The following RABGEF1 variants were observed in gnomAD, a reference collection of about 807,000 sequenced individuals.
RABGEF1 encodes RAB guanine nucleotide exchange factor 1, also known as rab5 GDP/GTP exchange factor.
In RABGEF1, 26 loss-of-function variants were observed where a neutral mutation model predicts 57.3. The ratio of observed to expected loss-of-function variants is 0.45; its 90% CI spans 0.33 to 0.63. The LOEUF (loss-of-function observed/expected upper bound fraction) is 0.63. Ranked by LOEUF, RABGEF1 falls within the 20% of genes least tolerant of loss-of-function variation. The probability of loss-of-function intolerance (pLI) is 0.02; values close to 1 mark genes in which losing one functional copy is unlikely to be tolerated. For synonymous variants in RABGEF1, 185 were observed against 210.7 expected, an observed-to-expected ratio of 0.88 and a Z score of 1.06; for missense variants, 464 against 607.6, an observed-to-expected ratio of 0.76 and a Z score of 2.48.
the RABGEF1 span, among the ~76,000 whole-genome samples, chr7:66,663,322 C>T: frequency 3.3e-5 from 5 of 152,210 alleles, no homozygotes; most frequent in Admixed American, 2.0e-4. Flanking sequence ...TCCCACTTCA[C>T]GCCTCTATAT....
At chr7:66,680,927 GA>G (rs1789670522), upstream of RABGEF1, among the ~76,000 whole-genome samples, 1 of 151,932 alleles carries the variant, frequency 6.6e-6, no homozygotes, top group Non-Finnish European at 1.5e-5. Flanking sequence ...CTAAAAATAC[GA>G]AAAAATTAGC....
chr7:66,742,913 T>C (rs1429623479), intron 1 of RABGEF1, among the ~76,000 whole-genome samples: 2 of 152,172 alleles, frequency 1.3e-5, no homozygotes, highest in Non-Finnish European at 2.9e-5. Context: ...GGAGGGTCGT[T>C]ACTAAAGTGA....
At chr7:66,705,103 T>C (rs1456853047) in intron 1 of RABGEF1, among the ~76,000 whole-genome samples, 3 of 151,598 alleles carry the variant, frequency 2.0e-5, no homozygotes, top group Admixed American at 2.0e-4. Context: ...TGCTGATATA[T>C]GGAAAAGCAA....
chr7:66,789,303 G>A (rs12536410), intron 4 of RABGEF1, among the ~76,000 whole-genome samples: 40,081 of 152,060 alleles, frequency 0.26, 5,831 homozygotes, highest in East Asian at 0.43. Context: ...TTTTAAAACT[G>A]GAAGCACTGA....
At chr7:66,787,478 A>AGATT (rs1314434603) in intron 4 of RABGEF1, among the ~76,000 whole-genome samples, 1 of 151,110 alleles carries the variant, frequency 6.6e-6, no homozygotes, top group Non-Finnish European at 1.5e-5. Context: ...CGCATAGCTG[A>AGATT]GATTACAGGT....
chr7:66,691,045 C>T (rs1356905243), intron 1 of RABGEF1, among the ~76,000 whole-genome samples: 2 of 152,014 alleles, frequency 1.3e-5, no homozygotes, highest in Admixed American at 6.6e-5. Flanking sequence ...GAGCCGTGAT[C>T]GTGCCACTGC....
At chr7:66,759,075 C>T (rs116863549) in intron 1 of RABGEF1, among the ~76,000 whole-genome samples, 5 of 152,118 alleles carry the variant, frequency 3.3e-5, no homozygotes, top group South Asian at 2.1e-4. Flanking sequence ...CATTTCATCT[C>T]ATACGTAGAT....
intron 2 of RABGEF1, among the ~76,000 whole-genome samples, chr7:66,774,816 C>T (rs1573944): frequency 0.1 from 15,776 of 152,170 alleles, 998 homozygotes; most frequent in South Asian, 0.2. Context: ...CAAACATCAC[C>T]GTTGTAAAGC....
intron 2 of RABGEF1, among the ~76,000 whole-genome samples, chr7:66,774,953 A>G (rs1422569930): frequency 6.6e-6 from 1 of 152,108 alleles, no homozygotes; most frequent in Non-Finnish European, 1.5e-5. Flanking sequence ...TGTCTGTTCC[A>G]GCCTTGAGCT....
At chr7:66,659,862 AAAG>A in the RABGEF1 span, among the ~76,000 whole-genome samples, 2 of 152,034 alleles carry the variant, frequency 1.3e-5, no homozygotes, top group African/African-American at 4.8e-5. Flanking sequence ...GGACCTACAA[AAAG>A]AAGAACTAAA....
chr7:66,717,318 C>A (rs554821395), intron 2 of RABGEF1, among the ~76,000 whole-genome samples: 1 of 152,228 alleles, frequency 6.6e-6, no homozygotes, highest in East Asian at 1.9e-4. Context: ...AGGTTCCTTT[C>A]CCCTGTCCTT....
At chr7:66,744,354 A>C (rs1368372457) in intron 1 of RABGEF1, among the ~76,000 whole-genome samples, 1 of 150,944 alleles carries the variant, frequency 6.6e-6, no homozygotes, top group Non-Finnish European at 1.5e-5. Flanking sequence ...GCAAAATAGC[A>C]AGACTGCATC....
intron 1 of RABGEF1, among the ~76,000 whole-genome samples, chr7:66,705,848 T>G (rs1029562150): frequency 3.4e-5 from 5 of 147,288 alleles, no homozygotes; most frequent in African/African-American, 7.5e-5. Context: ...TAACTGAGAT[T>G]ATGGGCACAC....
intron 1 of RABGEF1, among the ~76,000 whole-genome samples, chr7:66,770,806 A>G (rs1353775043): frequency 6.6e-6 from 1 of 152,104 alleles, no homozygotes; most frequent in Non-Finnish European, 1.5e-5. Flanking sequence ...TTTTTACAGT[A>G]GCCATCCTAA....
In RABGEF1 at chr7:66,771,986, T is replaced by C; in HGVS notation, c.87T>C (p.Pro29=). ...AAGGATGTGGTTACTACGGCAACCC[T>C]GCCTGGCAGGGTTTCTGCTCCAAGT... ...CKKGCGYYGN[P]AWQGFCSKCW... Residue 29 remains proline (P), a synonymous_variant, in exon 2 of 9, where the codon CCT becomes CCC. Transcript: ENST00000284957. The C allele has an allele frequency of 6.3e-7, 1 of 1,599,508 alleles. No individual in the cohort carries two copies. The highest frequency in any genetic ancestry group is 8.5e-7 in the Non-Finnish European group (1 of 1,173,524).
intron 3 of RABGEF1, among the ~76,000 whole-genome samples, chr7:66,779,614 A>G (rs1365127695): frequency 2.0e-5 from 3 of 150,900 alleles, no homozygotes; most frequent in Admixed American, 1.3e-4. Context: ...TGAGGCTGCA[A>G]TGTGCTGTGA....
intron 1 of RABGEF1, among the ~76,000 whole-genome samples, chr7:66,696,892 G>A (rs1444798067): frequency 6.6e-6 from 1 of 152,126 alleles, no homozygotes. Context: ...CAGACATGGT[G>A]CAGGTTCCCT....
rs563229309 is a variant in RABGEF1, at chr7:66,809,707, T to G, written c.*423T>G. 6.5e-6 allele frequency: 1 copy of G among 154,522 alleles called. No individual in the cohort carries two copies. The highest frequency in any genetic ancestry group is 1.9e-4 in the East Asian group (1 of 5,244). The allele number at this position is 154,522 out of a possible 1,614,324, so 9.6% of individuals were successfully genotyped here. Reference sequence around the variant, plus strand: ...ATAATTGTAAAGATAGAAATTATATTGATAAGTAAATATGTAAAATTGTAA... The same window carrying G: ...ATAATTGTAAAGATAGAAATTATATGGATAAGTAAATATGTAAAATTGTAA... On this transcript the variant is annotated 3_prime_UTR_variant, in exon 9 of 9. Transcript: ENST00000284957.
At chr7:66,661,436 C>G in the RABGEF1 span, among the ~76,000 whole-genome samples, 3 of 151,626 alleles carry the variant, frequency 2.0e-5, no homozygotes, top group Non-Finnish European at 4.4e-5. Context: ...AACACAAAGC[C>G]TACCAAGACT....
Sources: gnomAD v4.1 joint callset for allele counts (sites outside exome capture counted in the v4.1 genomes callset) on GRCh38, gnomAD v4.1.1 for gene constraint, MANE v1.5 for transcripts, NCBI Gene and HGNC (gene_info 2026-07-23, HGNC 2026-07-21) for gene names.